Variants in DNAJC1 observed in about 807,000 individuals in gnomAD.
DNAJC1 encodes the protein DnaJ heat shock protein family (Hsp40) member C1.
DNAJC1 carries 58 observed loss-of-function variants against 76.6 expected under a neutral mutation model. The ratio of observed to expected loss-of-function variants is 0.76; its 90% confidence interval spans 0.61 to 0.94. DNAJC1 has a LOEUF of 0.94. DNAJC1 is among the 40% of genes least tolerant of loss of function. DNAJC1 has a pLI of 0.00. For missense variants in DNAJC1, 689 were observed against 677.3 expected (o/e 1.02, Z -0.19); for synonymous variants, 258 against 267.9 (o/e 0.96, Z 0.36).
chr10:21,864,541 G>A (rs1389326285), intron 8 of DNAJC1, among the ~76,000 whole-genome samples: 5 of 151,774 alleles, frequency 3.3e-5, no homozygotes, highest in Non-Finnish European at 5.9e-5. Context: ...AGAATTGCTT[G>A]AACCCGGGGG....
At chr10:21,910,971 G>C (rs893733339) in intron 6 of DNAJC1, among the ~76,000 whole-genome samples, 1 of 147,998 alleles carries the variant, frequency 6.8e-6, no homozygotes, top group African/African-American at 2.5e-5. Context: ...AAAGAAAGAG[G>C]GGGGGAAGAG....
intron 1 of DNAJC1, among the ~76,000 whole-genome samples, chr10:21,991,034 G>A (rs183288547): frequency 2.6e-5 from 4 of 152,252 alleles, no homozygotes; most frequent in African/African-American, 9.6e-5. Context: ...GTATTATAAA[G>A]AGCCAACAGA....
chr10:21,855,749 T>A (rs1835824053), intron 8 of DNAJC1, among the ~76,000 whole-genome samples: 1 of 152,054 alleles, frequency 6.6e-6, no homozygotes, highest in African/African-American at 2.4e-5. Flanking sequence ...TCACCAACAC[T>A]TCAACGTAAT....
intron 1 of DNAJC1, 73 bp from the exon 2 acceptor site, chr10:21,929,214 A>T: frequency 9.6e-7 from 1 of 1,044,604 alleles, no homozygotes; most frequent in South Asian, 1.4e-5. Flanking sequence ...AACCTTGTTA[A>T]GATCTGAGAA....
chr10:21,816,707 A>G (rs143444266), intron 8 of DNAJC1, among the ~76,000 whole-genome samples: 5,280 of 150,148 alleles, frequency 0.035, 165 homozygotes, highest in African/African-American at 0.069. Flanking sequence ...CACCATGACC[A>G]GCTAATTTTT....
intron 8 of DNAJC1, among the ~76,000 whole-genome samples, chr10:21,877,671 T>C (rs546405354): frequency 1.1e-4 from 17 of 152,330 alleles, no homozygotes; most frequent in Non-Finnish European, 1.9e-4. Context: ...TGACCAAGCA[T>C]TGGCAAAAAT....
intron 9 of DNAJC1, among the ~76,000 whole-genome samples, chr10:21,786,451 TATATATATATATAGAGAGAG>T (rs1325133427): frequency 4.4e-3 from 425 of 95,632 alleles, no homozygotes; most frequent in African/African-American, 0.016. Context: ...TATATATATA[TATATATATATATAGAGAGAG>T]AGAGAGAGAG....
chr10:21,860,553 G>A (rs1835904054), intron 8 of DNAJC1, among the ~76,000 whole-genome samples: 1 of 152,010 alleles, frequency 6.6e-6, no homozygotes, highest in African/African-American at 2.4e-5. Flanking sequence ...AATTAGCCAG[G>A]CATGGTGGTG....
At position 21,794,706 on chromosome 10, in the gene DNAJC1, A is replaced by G. The variant is rs376797833; in HGVS notation, c.1098+11274T>C. 7.9e-5 allele frequency among the ~76,000 whole-genome samples: 12 copies of G among 152,302 alleles called. No homozygotes were observed. The East Asian group carries it at 2.3e-3, about 29-fold the overall frequency. ...AAAAAGCATAATCTATAAAAGAAAAAAATTGATGAACTGGACTTTACTAAA... is the reference window on the plus strand; with the variant it reads ...AAAAAGCATAATCTATAAAAGAAAAGAATTGATGAACTGGACTTTACTAAA... On this transcript the variant is annotated intron_variant, in intron 9 of 11. Coordinates refer to ENST00000376980, the MANE Select transcript of DNAJC1 (RefSeq NM_022365.4).
At chr10:21,778,995 T>C (rs1834490158) in intron 9 of DNAJC1, among the ~76,000 whole-genome samples, 1 of 152,194 alleles carries the variant, frequency 6.6e-6, no homozygotes, top group South Asian at 2.1e-4. Flanking sequence ...GCCTCGCTCA[T>C]CGCTAGCACA....
intron 6 of DNAJC1, among the ~76,000 whole-genome samples, chr10:21,909,193 T>C (rs1836812887): frequency 6.6e-6 from 1 of 152,126 alleles, no homozygotes; most frequent in Non-Finnish European, 1.5e-5. Flanking sequence ...TGGCCAATAT[T>C]TAAGATTTCC....
chr10:21,840,223 G>T (rs572796067), intron 8 of DNAJC1, among the ~76,000 whole-genome samples: 107 of 152,276 alleles, frequency 7.0e-4, no homozygotes, highest in South Asian at 5.2e-3. Flanking sequence ...ACCACTCCTA[G>T]TCAACATAGT....
intron 1 of DNAJC1, among the ~76,000 whole-genome samples, chr10:21,960,736 CAT>C (rs909101779): frequency 6.6e-6 from 1 of 152,084 alleles, no homozygotes; most frequent in Non-Finnish European, 1.5e-5. Flanking sequence ...ATTTGCAAAT[CAT>C]ATGTCTGGTA....
intron 1 of DNAJC1, among the ~76,000 whole-genome samples, chr10:21,929,395 G>A (rs1837184257): frequency 2.0e-5 from 3 of 152,132 alleles, no homozygotes; most frequent in Admixed American, 6.5e-5. Context: ...AGTATTTGGC[G>A]AAACTTTTCA....
rs114445217 is a variant in DNAJC1, at chr10:21,967,783, T to C, written c.222+35430A>G. On this transcript the variant is annotated intron_variant, in intron 1 of 11. Transcript: ENST00000376980. ...TGCGGACTCGAGTTTTCATCAATTA[T>C]CAGTACACAAGAAGAGGACACAGGT... 5.6e-3 allele frequency among the ~76,000 whole-genome samples: 857 copies of C among 152,216 alleles called. 5 individuals are homozygous for C. Among genetic ancestry groups the C allele is most frequent in the African/African-American group, 0.019 (800 of 41,534 alleles).
chr10:21,761,243 T>C lies in DNAJC1; in HGVS notation c.1148-1625A>G, dbSNP rs538392869. 8.5e-5 allele frequency among the ~76,000 whole-genome samples: 13 copies of C among 152,294 alleles called. No individual in the cohort carries two copies. The South Asian group carries it at 1.0e-3, about 12-fold the overall frequency. On this transcript the variant is annotated intron_variant, in intron 10 of 11. Coordinates refer to ENST00000376980, the MANE Select transcript of DNAJC1 (RefSeq NM_022365.4). The stretch of plus-strand genomic sequence containing the variant: ...TTTCTACAGTAATGTTTCCTCTTTA[T>C]AGTAGGCTTTTATTTAATAAAAAAC...
intron 3 of DNAJC1, among the ~76,000 whole-genome samples, chr10:21,926,753 T>C (rs1166639676): frequency 1.3e-5 from 2 of 152,162 alleles, no homozygotes; most frequent in African/African-American, 4.8e-5. Flanking sequence ...CCTCAAGGGG[T>C]ATAAATACTA....
chr10:21,790,523 A>AG (rs1834671711), intron 9 of DNAJC1, among the ~76,000 whole-genome samples: 2 of 150,562 alleles, frequency 1.3e-5, no homozygotes, highest in African/African-American at 4.9e-5. Flanking sequence ...AAAAAAAAAA[A>AG]GCCACCAAAG....
intron 8 of DNAJC1, among the ~76,000 whole-genome samples, chr10:21,873,957 ATTG>A (rs750202706): frequency 5.9e-5 from 9 of 152,242 alleles, no homozygotes; most frequent in Non-Finnish European, 1.2e-4. Flanking sequence ...TAAGATGTTA[ATTG>A]TAATCCCTAG....
Sources: allele counts gnomAD v4.1 joint callset (sites outside exome capture counted in the v4.1 genomes callset), GRCh38; gene constraint gnomAD v4.1.1; transcripts MANE v1.5; gene names NCBI Gene and HGNC (gene_info 2026-07-23, HGNC 2026-07-21).